Variants in MCC observed in about 807,000 individuals in gnomAD.
MCC encodes the protein MCC regulator of Wnt signaling pathway.
A neutral mutation model predicts 116.2 loss-of-function variants in MCC; 90 were observed. That is an observed-to-expected ratio of 0.77 (90% CI 0.65 to 0.92). MCC has a LOEUF of 0.92. Ranked by LOEUF, MCC falls within the 40% of genes least tolerant of loss-of-function variation. MCC has a pLI of 0.00. For missense variants in MCC, 1,516 were observed against 1,312.2 expected (o/e 1.16, Z -2.40); for synonymous variants, 578 against 510.5 (o/e 1.13, Z -1.78).
In MCC at chr5:113,026,789, C is replaced by T. The variant is rs1041883711; in HGVS notation, c.*513G>A. ...TCTATCTTAAAGTTGAGACCCGGGA[C>T]TTGGAAACCAAAGCCTTGCTGTAGT... On this transcript the variant is annotated 3_prime_UTR_variant, in exon 19 of 19. Coordinates refer to ENST00000408903, the MANE Select transcript of MCC (RefSeq NM_001085377.2). 2.6e-5 allele frequency: 4 copies of T among 153,928 alleles called. No homozygotes were observed. The highest frequency in any genetic ancestry group is 5.8e-5 in the Non-Finnish European group (4 of 69,372). The allele number at this position is 153,928 out of a possible 1,614,324, so 9.5% of individuals were successfully genotyped here.
At chr5:113,173,443 T>C (rs1443659553) in intron 3 of MCC, among the ~76,000 whole-genome samples, 1 of 152,172 alleles carries the variant, frequency 6.6e-6, no homozygotes, top group Non-Finnish European at 1.5e-5. Context: ...TAGTGTAATA[T>C]CTCCCCCTTT....
chr5:113,075,255 G>A (rs1754352152), intron 11 of MCC, among the ~76,000 whole-genome samples: 1 of 152,216 alleles, frequency 6.6e-6, no homozygotes, highest in Non-Finnish European at 1.5e-5. Context: ...TTCTCACTGG[G>A]CCTCAGCTGC....
chr5:113,473,541 AAAAAC>A (rs996829026), intron 1 of MCC, among the ~76,000 whole-genome samples: 13 of 152,252 alleles, frequency 8.5e-5, no homozygotes, highest in African/African-American at 2.2e-4. Context: ...AAACAAAAAC[AAAAAC>A]AAAACAAAAC....
chr5:113,168,607 C>G (rs1760898906), intron 3 of MCC, among the ~76,000 whole-genome samples: 1 of 152,084 alleles, frequency 6.6e-6, no homozygotes, highest in Non-Finnish European at 1.5e-5. Flanking sequence ...AGTTCAAATT[C>G]CAGAATATAC....
intron 1 of MCC, among the ~76,000 whole-genome samples, chr5:113,461,615 G>C (rs1048658526): frequency 1.3e-5 from 2 of 152,028 alleles, no homozygotes; most frequent in African/African-American, 4.8e-5. Flanking sequence ...AGACTACAGT[G>C]AGTTATGATC....
At chr5:113,208,128 A>G (rs1030970892) in intron 3 of MCC, among the ~76,000 whole-genome samples, 2 of 152,154 alleles carry the variant, frequency 1.3e-5, no homozygotes, top group African/African-American at 4.8e-5. Context: ...GCCAATCTGG[A>G]TAAAGCAGAG....
intron 3 of MCC, among the ~76,000 whole-genome samples, chr5:113,333,944 G>A (rs111283496): frequency 3.8e-5 from 1 of 26,156 alleles, no homozygotes; most frequent in East Asian, 3.9e-4. Flanking sequence ...GGGAAGACAA[G>A]GAGACAAATG....
chr5:113,068,332 G>C, intron 12 of MCC, 149 bp from the exon 13 acceptor site: 1 of 616,672 alleles, frequency 1.6e-6, no homozygotes, highest in South Asian at 1.9e-5. Context: ...TATTCCCAGG[G>C]CAGGGCCAGT....
chr5:113,027,907 G>A (rs1460134205), intron 18 of MCC, among the ~76,000 whole-genome samples: 1 of 152,214 alleles, frequency 6.6e-6, no homozygotes, highest in African/African-American at 2.4e-5. Flanking sequence ...TACCTGGGAC[G>A]AGAGCAGAGA....
At chr5:113,460,883 C>G (rs1771724415) in intron 1 of MCC, among the ~76,000 whole-genome samples, 1 of 152,190 alleles carries the variant, frequency 6.6e-6, no homozygotes, top group South Asian at 2.1e-4. Context: ...TAACAATGTC[C>G]CCAAATGATT....
intron 3 of MCC, among the ~76,000 whole-genome samples, chr5:113,323,449 A>G (rs1055383353): frequency 6.6e-6 from 1 of 152,182 alleles, no homozygotes; most frequent in African/African-American, 2.4e-5. Context: ...GAATGGATAA[A>G]ATGGAGCCAG....
At chr5:113,274,780 C>T (rs1315165323) in intron 3 of MCC, among the ~76,000 whole-genome samples, 2 of 152,188 alleles carry the variant, frequency 1.3e-5, no homozygotes, top group Non-Finnish European at 2.9e-5. Context: ...ACTGGGTGGG[C>T]TATGGAATCA....
intron 3 of MCC, among the ~76,000 whole-genome samples, chr5:113,290,633 C>T (rs1766456020): frequency 6.6e-6 from 1 of 152,176 alleles, no homozygotes; most frequent in Non-Finnish European, 1.5e-5. Flanking sequence ...GATTAAACTA[C>T]ATACTGGCCC....
At chr5:113,252,985 C>G (rs1764858636) in intron 3 of MCC, among the ~76,000 whole-genome samples, 1 of 152,228 alleles carries the variant, frequency 6.6e-6, no homozygotes, top group South Asian at 2.1e-4. Flanking sequence ...GCATGCCCTT[C>G]TGTACTTCTT....
At chr5:113,226,131 G>T (rs796645072) in intron 3 of MCC, among the ~76,000 whole-genome samples, 7 of 152,358 alleles carry the variant, frequency 4.6e-5, no homozygotes, top group African/African-American at 1.7e-4. Context: ...AGCCACAATT[G>T]TGCCACCATA....
intron 6 of MCC, 123 bp from the exon 7 acceptor site, chr5:113,104,478 C>T (rs1418769892): frequency 6.4e-6 from 5 of 782,954 alleles, no homozygotes; most frequent in Non-Finnish European, 9.8e-6. Context: ...AAGTTCAACA[C>T]CAGCCAGCCT....
chr5:113,456,072 T>C (rs867204027), intron 1 of MCC, among the ~76,000 whole-genome samples: 2 of 152,240 alleles, frequency 1.3e-5, no homozygotes, highest in Non-Finnish European at 2.9e-5. Flanking sequence ...TGTAGGTTAA[T>C]GCATAGCAAT....
chr5:113,432,560 G>T (rs908568798), intron 1 of MCC: 1 of 152,134 alleles, frequency 6.6e-6, no homozygotes, highest in Non-Finnish European at 1.5e-5. Flanking sequence ...TAATGAAGTT[G>T]TATTATTCTC....
chr5:113,127,041 G>T (rs1232616386), intron 5 of MCC, among the ~76,000 whole-genome samples: 1 of 151,992 alleles, frequency 6.6e-6, no homozygotes, highest in Non-Finnish European at 1.5e-5. Flanking sequence ...CCGCAAGTAG[G>T]CCCCAATGTC....
Sources: gnomAD v4.1 joint callset for allele counts (sites outside exome capture counted in the v4.1 genomes callset) on GRCh38, gnomAD v4.1.1 for gene constraint, MANE v1.5 for transcripts, NCBI Gene and HGNC (gene_info 2026-07-23, HGNC 2026-07-21) for gene names.